Variants in BRME1 observed in about 807,000 individuals in gnomAD.
BRME1 encodes the protein BRCA2 and MEILB2-associating protein 1.
Under a neutral mutation model 52.6 loss-of-function variants are expected in BRME1, and 31 were observed. That is an observed-to-expected ratio of 0.59 (90% CI 0.44 to 0.80). BRME1 has a LOEUF of 0.80. Ranked by LOEUF, BRME1 falls within the 30% of genes least tolerant of loss-of-function variation. BRME1 has a pLI of 0.00. For missense variants in BRME1, 804 were observed against 860.3 expected (o/e 0.93, Z 0.82); for synonymous variants, 359 against 353.6 (o/e 1.02, Z -0.17).
At chr19:13,890,518 A>G in intron 5 of BRME1, 56 bp from the exon 6 acceptor site, 2 of 1,423,280 alleles carry the variant, frequency 1.4e-6, no homozygotes, top group Non-Finnish European at 9.2e-7. Context: ...TTCTCCGAAG[A>G]GTTTTCTATT....
At chr19:13,902,410 G>C (rs555220900) in intron 2 of BRME1, among the ~76,000 whole-genome samples, 1 of 152,200 alleles carries the variant, frequency 6.6e-6, no homozygotes, top group East Asian at 1.9e-4. Flanking sequence ...GAGATGGGCG[G>C]ATCACCTGAG....
intron 6 of BRME1, 126 bp downstream of exon 6, chr19:13,889,061 TG>T (rs1969249462): frequency 1.2e-5 from 10 of 855,918 alleles, no homozygotes; most frequent in Non-Finnish European, 1.8e-5. Flanking sequence ...CTATAGTCGT[TG>T]GCTGTGTAAA....
At chr19:13,891,619 C>A (rs2145163288) in intron 5 of BRME1, among the ~76,000 whole-genome samples, 1 of 151,822 alleles carries the variant, frequency 6.6e-6, no homozygotes, top group South Asian at 2.1e-4. Context: ...CAGGTACACA[C>A]CACAACTGGC....
intron 2 of BRME1, among the ~76,000 whole-genome samples, chr19:13,902,332 T>C (rs1042974456): frequency 2.0e-5 from 3 of 151,598 alleles, no homozygotes; most frequent in African/African-American, 7.3e-5. Context: ...GAGTGAGACA[T>C]CATCTTAAAA....
chr19:13,893,804 C>T (rs1969689847), intron 3 of BRME1, among the ~76,000 whole-genome samples: 1 of 151,972 alleles, frequency 6.6e-6, no homozygotes, highest in Admixed American at 6.6e-5. Flanking sequence ...GTGGCCCCAG[C>T]TACTTGAGAG....
intron 2 of BRME1, among the ~76,000 whole-genome samples, chr19:13,902,539 G>C (rs1970367030): frequency 6.6e-6 from 1 of 151,926 alleles, no homozygotes; most frequent in Non-Finnish European, 1.5e-5. Context: ...GGGAGGCTGA[G>C]GCAGGAGAAT....
rs765173677 is a variant in BRME1 at position 13,889,580 on chromosome 19, C to T, written c.1276G>A (p.Gly426Arg). ...TCTCCAGCACCCATCATGGACTCTC[C>T]GCTCCCAGGTGCCAGAGCCAGGGAG... is the stretch of plus-strand genomic sequence containing the variant. ...TASLALAPGS[G>R]ESMMGAGDSG... Residue 426 changes from glycine to arginine, a missense_variant, in exon 6 of 9, where the codon GGA becomes AGA. Gly to Arg is a moderately radical substitution (Grantham distance 125, BLOSUM62 -2). This residue lies in a region of BRME1 where 552 missense variants were observed against 561.1 expected (regional missense o/e 0.98). Transcript: ENST00000586783. 51 of 1,612,364 alleles carry T rather than the reference C, an allele frequency of 3.2e-5. No individual in the cohort carries two copies. Among genetic ancestry groups the T allele is most frequent in the Non-Finnish European group, 3.8e-5 (45 of 1,179,262 alleles).
At chr19:13,887,697 G>C (rs1969137951) in intron 6 of BRME1, among the ~76,000 whole-genome samples, 1 of 151,858 alleles carries the variant, frequency 6.6e-6, no homozygotes, top group Non-Finnish European at 1.5e-5. Flanking sequence ...TTTCAGCTGT[G>C]CCCAGCACCA....
chr19:13,903,139 GGAA>G (rs748800255), intron 2 of BRME1, among the ~76,000 whole-genome samples: 8 of 152,100 alleles, frequency 5.3e-5, no homozygotes, highest in East Asian at 3.9e-4. Flanking sequence ...TTAAAAGTCT[GGAA>G]GAAGAATTGT....
At chr19:13,901,629 G>A (rs996734737) in intron 2 of BRME1, among the ~76,000 whole-genome samples, 2 of 151,416 alleles carry the variant, frequency 1.3e-5, no homozygotes, top group Non-Finnish European at 2.9e-5. Context: ...AACCCAGGAG[G>A]CAGAGGTTAC....
At chr19:13,897,944 CA>C (rs1251178567) in intron 2 of BRME1, among the ~76,000 whole-genome samples, 1 of 151,574 alleles carries the variant, frequency 6.6e-6, no homozygotes, top group Admixed American at 6.6e-5. Context: ...ACTAAAAATG[CA>C]AAAGTTAGCT....
chr19:13,883,505 G>T lies in BRME1; in HGVS notation c.1764-105C>A. 2.5e-6 allele frequency: 2 copies of T among 808,494 alleles called. No individual in the cohort carries two copies. Among genetic ancestry groups the T allele is most frequent in the Non-Finnish European group, 4.0e-6 (2 of 501,096 alleles). 50.1% of individuals were successfully genotyped at this position (808,494 alleles called of 1,614,324 possible). A position where few individuals can be genotyped will look rare whatever the true frequency, so the allele number is the denominator to read the frequency against. ...GGGCCTCGCGCCATCTTTTCCAGGT[G>T]TCCAGCCTGTCCTCCTCTGTTCACG... On this transcript the variant is annotated intron_variant, in intron 7 of 8. Coordinates refer to ENST00000586783, the MANE Select transcript of BRME1 (RefSeq NM_001345843.2). The surrounding 1 kb of genome is among the most constrained non-coding windows in gnomAD (Gnocchi z 4.2).
chr19:13,893,873 C>T (rs780518382), intron 3 of BRME1, among the ~76,000 whole-genome samples: 8 of 151,664 alleles, frequency 5.3e-5, no homozygotes, highest in Admixed American at 3.9e-4. Flanking sequence ...GCTATGATCA[C>T]GCCACTGCAC....
chr19:13,890,843 G>A (rs1409245704), intron 5 of BRME1, among the ~76,000 whole-genome samples: 1 of 152,024 alleles, frequency 6.6e-6, no homozygotes, highest in Non-Finnish European at 1.5e-5. Context: ...CAGCCTGGAC[G>A]ACAGAGTAAG....
At chr19:13,885,879 G>T (rs1368499325) in intron 7 of BRME1, 82 bp downstream of exon 7, 12 of 1,212,934 alleles carry the variant, frequency 9.9e-6, no homozygotes, top group Non-Finnish European at 1.3e-5. Context: ...GGGAGAACTG[G>T]GGTCTGTCTC....
At chr19:13,900,901 C>A (rs990633067) in intron 2 of BRME1, among the ~76,000 whole-genome samples, 1 of 152,104 alleles carries the variant, frequency 6.6e-6, no homozygotes, top group African/African-American at 2.4e-5. Flanking sequence ...CGAACCCTGA[C>A]CTCAAATGAT....
intron 2 of BRME1, among the ~76,000 whole-genome samples, chr19:13,902,660 G>A (rs182195887): frequency 8.6e-5 from 13 of 150,742 alleles, no homozygotes; most frequent in African/African-American, 2.2e-4. Flanking sequence ...GGCTGGGCGC[G>A]GTGGCCTACT....
At chr19:13,895,769 C>T (rs751945067) in intron 2 of BRME1, among the ~76,000 whole-genome samples, 35 of 152,132 alleles carry the variant, frequency 2.3e-4, no homozygotes, top group Non-Finnish European at 4.1e-4. Flanking sequence ...CAAGGGCAGA[C>T]AAGACTAAAT....
chr19:13,902,988 G>A (rs930755981), intron 2 of BRME1, among the ~76,000 whole-genome samples: 3 of 151,708 alleles, frequency 2.0e-5, no homozygotes, highest in African/African-American at 7.3e-5. Flanking sequence ...TGTTTTTCAT[G>A]CTGTTCTACA....
Sources: gnomAD v4.1 joint callset for allele counts (sites outside exome capture counted in the v4.1 genomes callset) on GRCh38, gnomAD v4.1.1 for gene constraint, gnomAD v4.1.1 regional missense constraint, Gnocchi (gnomAD v3.1) non-coding constraint, MANE v1.5 for transcripts, NCBI Gene and HGNC (gene_info 2026-07-23, HGNC 2026-07-21) for gene names.